The following RAB21 variants were observed in gnomAD, a reference collection of about 807,000 sequenced individuals.
The protein encoded by RAB21 is RAB21, member RAS oncogene family.
A neutral mutation model predicts 33.1 loss-of-function variants in RAB21; 13 were observed. The ratio of observed to expected loss-of-function variants is 0.39; its 90% CI spans 0.26 to 0.62. The LOEUF (loss-of-function observed/expected upper bound fraction) is 0.62. RAB21 is among the 20% of genes least tolerant of loss of function. RAB21 has a pLI of 0.48. For synonymous variants in RAB21, 91 were observed against 103.7 expected (o/e 0.88, Z 0.74); for missense variants, 234 against 279.1 (o/e 0.84, Z 1.15).
At chr12:71,774,190 T>A in intron 4 of RAB21, 168 bp downstream of exon 4, 1 of 397,660 alleles carries the variant, frequency 2.5e-6, no homozygotes, top group Non-Finnish European at 4.2e-6. Flanking sequence ...CTCATGCCTG[T>A]AATTCCAGCG....
At chr12:71,785,019 G>T (rs1883262777) in intron 6 of RAB21, among the ~76,000 whole-genome samples, 1 of 152,112 alleles carries the variant, frequency 6.6e-6, no homozygotes, top group Non-Finnish European at 1.5e-5. Context: ...CTGAGCCCAG[G>T]AGTTAGGGGC....
At chr12:71,784,816 G>C (rs543860926) in intron 6 of RAB21, among the ~76,000 whole-genome samples, 1 of 152,072 alleles carries the variant, frequency 6.6e-6, no homozygotes, top group Admixed American at 6.6e-5. Context: ...CTGTGGTCAG[G>C]GACAGTGGCT....
chr12:71,767,858 G>A (rs1882984993), intron 1 of RAB21, among the ~76,000 whole-genome samples: 2 of 152,114 alleles, frequency 1.3e-5, no homozygotes, highest in African/African-American at 4.8e-5. Context: ...ATTCGGATAG[G>A]ATTCAGATTT....
rs1208403766 is a variant in RAB21, at chr12:71,788,842, T to C, written c.*3169T>C. 6.6e-6 allele frequency: 1 copy of C among 152,140 alleles called. No individual in the cohort carries two copies. The highest frequency in any genetic ancestry group is 1.5e-5 in the Non-Finnish European group (1 of 67,988). The allele number at this position is 152,140 out of a possible 1,614,324, so 9.4% of individuals were successfully genotyped here. A position where few individuals can be genotyped will look rare whatever the true frequency, so the allele number is the denominator to read the frequency against. The stretch of plus-strand genomic sequence containing the variant: ...TCATTGTAATTACAGGGGAAGATTG[T>C]TTTTGAAAATGTATATTGCCATGCT... On this transcript the variant is annotated 3_prime_UTR_variant, in exon 7 of 7. Coordinates refer to ENST00000261263, the MANE Select transcript of RAB21 (RefSeq NM_014999.4).
intron 4 of RAB21, among the ~76,000 whole-genome samples, chr12:71,777,697 G>C (rs954869650): frequency 6.6e-6 from 1 of 152,148 alleles, no homozygotes; most frequent in African/African-American, 2.4e-5. Context: ...CTCACTTTAA[G>C]TCTTAAATTC....
In RAB21 at chr12:71,791,720, A is replaced by C. The variant is rs2137665406; in HGVS notation, c.*6047A>C. 1 of 152,236 alleles carries C rather than the reference A, an allele frequency of 6.6e-6. No homozygotes were observed. The highest frequency in any genetic ancestry group is 2.1e-4 in the South Asian group (1 of 4,826). 9.4% of individuals were successfully genotyped at this position (152,236 alleles called of 1,614,324 possible). Reference sequence around the variant, plus strand: ...CTTTTTAGAGGTAACCATTGTTAACAGTTTGGTTTGTGTCTTTATTATGCA... The same window carrying C: ...CTTTTTAGAGGTAACCATTGTTAACCGTTTGGTTTGTGTCTTTATTATGCA... On this transcript the variant is annotated 3_prime_UTR_variant, in exon 7 of 7. Transcript: ENST00000261263.
chr12:71,794,712 A>C lies in RAB21; in HGVS notation c.*9039A>C, dbSNP rs1305370447. 3 of 146,526 alleles carry C rather than the reference A, an allele frequency of 2.0e-5. No homozygotes were observed. Among genetic ancestry groups the C allele is most frequent in the African/African-American group, 7.4e-5 (3 of 40,444 alleles). The allele number at this position is 146,526 out of a possible 1,614,324, so 9.1% of individuals were successfully genotyped here. The stretch of plus-strand genomic sequence containing the variant: ...CTCGGCCTCCCAAAGTGCTGGGATT[A>C]CAAGCGTGAGCCACCGAGCCCAGCT... On this transcript the variant is annotated 3_prime_UTR_variant, in exon 7 of 7. Coordinates refer to ENST00000261263, the MANE Select transcript of RAB21 (RefSeq NM_014999.4).
intron 6 of RAB21, 95 bp downstream of exon 6, chr12:71,782,753 G>T (rs552635894): frequency 2.5e-6 from 2 of 811,374 alleles, no homozygotes; most frequent in African/African-American, 1.8e-5. Context: ...ACTTTTCAAA[G>T]AATTGGTTCT....
In RAB21 at chr12:71,787,952, T is replaced by C. The variant is rs1245052654; in HGVS notation, c.*2279T>C. The C allele has an allele frequency of 6.6e-6, 1 of 152,150 alleles. No homozygotes were observed. Among genetic ancestry groups the C allele is most frequent in the African/African-American group, 2.4e-5 (1 of 41,414 alleles). 9.4% of individuals were successfully genotyped at this position (152,150 alleles called of 1,614,324 possible). On this transcript the variant is annotated 3_prime_UTR_variant, in exon 7 of 7. Coordinates refer to ENST00000261263, the MANE Select transcript of RAB21 (RefSeq NM_014999.4). ...CCATTCTTACTGTTGTAGAAGTAGA[T>C]AGGAAATAAGCTTTTCTCATTACAG...
intron 4 of RAB21, 48 bp downstream of exon 4, chr12:71,774,070 AT>A: frequency 1.5e-6 from 2 of 1,305,712 alleles, no homozygotes; most frequent in Non-Finnish European, 2.1e-6. Flanking sequence ...TGTTTCCTTA[AT>A]GTTTTATTGA....
chr12:71,774,125 T>G, intron 4 of RAB21, 103 bp downstream of exon 4: 4 of 677,744 alleles, frequency 5.9e-6, no homozygotes, highest in Non-Finnish European at 9.4e-6. Flanking sequence ...AAAGGAAGAA[T>G]GGCATATTAA....
At position 71,789,421 on chromosome 12, in the gene RAB21, C is replaced by G. The variant is rs767493405; in HGVS notation, c.*3748C>G. ...CTTATAATTACCCGTTACGTTATCT[C>G]TAAAAGTAGTTTGATCTGTGCCTTT... On this transcript the variant is annotated 3_prime_UTR_variant, in exon 7 of 7. Transcript: ENST00000261263. The G allele has an allele frequency of 2.0e-5, 3 of 152,100 alleles. No individual in the cohort carries two copies. The highest frequency in any genetic ancestry group is 1.3e-4 in the Admixed American group (2 of 15,266). The allele number at this position is 152,100 out of a possible 1,614,324, so 9.4% of individuals were successfully genotyped here.
intron 1 of RAB21, among the ~76,000 whole-genome samples, chr12:71,766,968 CTT>C: frequency 1.3e-5 from 2 of 152,216 alleles, no homozygotes; most frequent in South Asian, 4.1e-4. Context: ...GGCTCCCCAA[CTT>C]TTATAAAGAA....
intron 1 of RAB21, among the ~76,000 whole-genome samples, chr12:71,758,240 C>G (rs1185246368): frequency 6.6e-6 from 1 of 151,952 alleles, no homozygotes; most frequent in Non-Finnish European, 1.5e-5. Context: ...GCCGTGTTGG[C>G]CAGGCTGGTC....
chr12:71,781,488 A>G lies in RAB21; in HGVS notation c.392-543A>G, dbSNP rs547148853. Among the ~76,000 whole-genome samples, 739 of 152,030 alleles carry G rather than the reference A, an allele frequency of 4.9e-3. 8 individuals carry two copies. The highest frequency in any genetic ancestry group is 0.017 in the African/African-American group (704 of 41,446). On this transcript the variant is annotated intron_variant, in intron 4 of 6. Coordinates refer to ENST00000261263, the MANE Select transcript of RAB21 (RefSeq NM_014999.4). ...CGTCAAAAAAAAAAAAAAAGAGAAT[A>G]CAGTTTTTCCCCTTATGATTGTGGA...
Position 71,787,375 on chromosome 12 carries a change from A to G in RAB21, c.*1702A>G, listed in dbSNP as rs1329562664. 2.6e-5 allele frequency: 4 copies of G among 152,102 alleles called. No homozygotes were observed. The highest frequency in any genetic ancestry group is 5.9e-5 in the Non-Finnish European group (4 of 68,008). 9.4% of individuals were successfully genotyped at this position (152,102 alleles called of 1,614,324 possible). A position where few individuals can be genotyped will look rare whatever the true frequency, so the allele number is the denominator to read the frequency against. The stretch of plus-strand genomic sequence containing the variant: ...ACATAAATTGTTCTTGTTCTAATAT[A>G]TATATTTTTTCATTTCTGTCGTGCT... On this transcript the variant is annotated 3_prime_UTR_variant, in exon 7 of 7. Transcript: ENST00000261263.
chr12:71,755,278 C>G lies in RAB21; in HGVS notation c.149C>G (p.Thr50Ser). 1.3e-6 allele frequency: 2 copies of G among 1,529,880 alleles called. No homozygotes were observed. Among genetic ancestry groups the G allele is most frequent in the South Asian group, 1.3e-5 (1 of 79,436 alleles). The allele number at this position is 1,529,880 out of a possible 1,614,324, so 94.8% of individuals were successfully genotyped here. A position where few individuals can be genotyped will look rare whatever the true frequency, so the allele number is the denominator to read the frequency against. The change falls in exon 1 of 7, where the codon ACC (threonine) becomes AGC (serine). Residue 50 changes from threonine (T) to serine (S), a missense_variant. Physicochemically the swap from Thr to Ser is moderately conservative, Grantham distance 58. Coordinates refer to ENST00000261263, the MANE Select transcript of RAB21 (RefSeq NM_014999.4). ...AACAAGTTTAACGACAAGCACATCA[C>G]CACTCTGCAGGTGCGGACCTCGGGG... ...CENKFNDKHI[T>S]TLQASFLTKK... is the part of the protein sequence containing the mutation.
At position 71,770,596 on chromosome 12, in the gene RAB21, C is replaced by T. The variant is rs768812455; in HGVS notation, c.224C>T (p.Thr75Met). ...AGCATTTGTTGCTTTCTTTAGGATA[C>T]GGCAGGTCAAGAGAGATTCCATGCA... is the stretch of plus-strand genomic sequence containing the variant. Reference protein sequence around the residue: ...GKRVNLAIWDTAGQERFHALG... With the variant: ...GKRVNLAIWDMAGQERFHALG... The change falls in exon 3 of 7, where the codon ACG becomes ATG. Residue 75 changes from threonine (T) to methionine (M), a missense_variant. Physicochemically the swap from Thr to Met is moderately conservative, Grantham distance 81. Transcript: ENST00000261263. 5.7e-6 allele frequency: 9 copies of T among 1,586,134 alleles called. No individual in the cohort carries two copies. Among genetic ancestry groups the T allele is most frequent in the African/African-American group, 1.3e-5 (1 of 74,268 alleles).
chr12:71,761,630 A>G (rs1414167022), intron 1 of RAB21, among the ~76,000 whole-genome samples: 1 of 152,214 alleles, frequency 6.6e-6, no homozygotes, highest in Non-Finnish European at 1.5e-5. Context: ...GTGAGCCAAG[A>G]TTGCACCATT....
Sources: gnomAD v4.1 joint callset for allele counts (sites outside exome capture counted in the v4.1 genomes callset) on GRCh38, gnomAD v4.1.1 for gene constraint, MANE v1.5 for transcripts, NCBI Gene and HGNC (gene_info 2026-07-23, HGNC 2026-07-21) for gene names.